Variants in DAB1 observed in about 807,000 individuals in gnomAD.
The protein encoded by DAB1 is disabled homolog 1.
DAB1 carries 15 observed loss-of-function variants against 64.6 expected under a neutral mutation model. The observed-to-expected ratio is 0.23, with a 90% CI of 0.16 to 0.36. The LOEUF (loss-of-function observed/expected upper bound fraction) is 0.36. Ranked by LOEUF, DAB1 falls within the 10% of genes least tolerant of loss-of-function variation. DAB1 has a pLI of 1.00. For missense variants in DAB1, 596 were observed against 706.7 expected (o/e 0.84, Z 1.78); for synonymous variants, 235 against 251.9 (o/e 0.93, Z 0.64).
chr1:58,439,046 A>G (rs1644977642), intron 3 of DAB1, among the ~76,000 whole-genome samples: 11 of 151,930 alleles, frequency 7.2e-5, no homozygotes, highest in Admixed American at 7.2e-4. Flanking sequence ...TCTGTATAGG[A>G]TTCAGGTCTA....
intron 7 of DAB1, among the ~76,000 whole-genome samples, chr1:57,633,636 A>G (rs893725446): frequency 3.9e-5 from 6 of 152,198 alleles, no homozygotes; most frequent in Admixed American, 6.5e-5. Context: ...GCTCAGCCCA[A>G]CAATCTCTAC....
intron 2 of DAB1, among the ~76,000 whole-genome samples, chr1:57,214,926 A>AAAAAAAAG (rs1557954175): frequency 6.6e-6 from 1 of 150,558 alleles, no homozygotes; most frequent in African/African-American, 2.4e-5. Context: ...AAAAAAAAAA[A>AAAAAAAAG]AAAAGAAAGA....
chr1:57,908,343 G>A (rs1203771612), intron 5 of DAB1, among the ~76,000 whole-genome samples: 5 of 152,104 alleles, frequency 3.3e-5, no homozygotes, highest in Non-Finnish European at 1.5e-5. Flanking sequence ...TAACCTGACA[G>A]GACTCCACTG....
intron 7 of DAB1, among the ~76,000 whole-genome samples, chr1:57,499,707 A>T (rs1359368185): frequency 6.6e-6 from 1 of 152,236 alleles, no homozygotes; most frequent in Non-Finnish European, 1.5e-5. Context: ...CTTAAGGGCA[A>T]TGTATTGAAT....
chr1:57,915,127 C>A (rs1205324896), intron 5 of DAB1, among the ~76,000 whole-genome samples: 417 of 64,444 alleles, frequency 6.5e-3, no homozygotes, highest in Admixed American at 0.032. Flanking sequence ...TTCTTTAAAT[C>A]ATAAAAAAAA....
chr1:57,113,786 A>G (rs1246111171), intron 4 of DAB1, among the ~76,000 whole-genome samples: 1 of 152,190 alleles, frequency 6.6e-6, no homozygotes, highest in African/African-American at 2.4e-5. Flanking sequence ...TTACAGCCTG[A>G]TTTTAAAGAC....
intron 11 of DAB1, among the ~76,000 whole-genome samples, chr1:57,015,757 T>C (rs1323198416): frequency 1.3e-5 from 2 of 152,226 alleles, no homozygotes; most frequent in African/African-American, 2.4e-5. Context: ...GGCAGAAGGA[T>C]GGAAGGCAGG....
intron 3 of DAB1, among the ~76,000 whole-genome samples, chr1:58,470,021 A>G (rs1396943164): frequency 6.6e-6 from 1 of 152,022 alleles, no homozygotes; most frequent in Admixed American, 6.5e-5. Context: ...TACTCTTCAC[A>G]GCAGCCCCAG....
chr1:57,160,211 T>C (rs1660617020), intron 2 of DAB1, among the ~76,000 whole-genome samples: 1 of 152,254 alleles, frequency 6.6e-6, no homozygotes, highest in South Asian at 2.1e-4. Flanking sequence ...GTTTATTTCA[T>C]GTTGATACCA....
intron 2 of DAB1, among the ~76,000 whole-genome samples, chr1:57,223,520 T>C (rs1485483579): frequency 6.6e-6 from 1 of 152,178 alleles, no homozygotes; most frequent in Non-Finnish European, 1.5e-5. Context: ...CTGGTCCCTA[T>C]GCTCAGCAGA....
intron 4 of DAB1, among the ~76,000 whole-genome samples, chr1:57,133,516 C>T (rs1308325083): frequency 6.6e-6 from 1 of 152,126 alleles, no homozygotes; most frequent in African/African-American, 2.4e-5. Context: ...TTAGCAATAT[C>T]TAGGTATCTA....
At chr1:58,365,399 A>C (rs1644207337) in intron 3 of DAB1, among the ~76,000 whole-genome samples, 1 of 152,186 alleles carries the variant, frequency 6.6e-6, no homozygotes, top group Non-Finnish European at 1.5e-5. Flanking sequence ...TGGAGCTGTC[A>C]GTTTTAGGCT....
intron 1 of DAB1, among the ~76,000 whole-genome samples, chr1:57,402,824 GC>G (rs1683355347): frequency 6.6e-6 from 1 of 152,136 alleles, no homozygotes; most frequent in Admixed American, 6.5e-5. Context: ...ATTGAAAGAT[GC>G]ATCCCAGGAC....
chr1:57,282,182 C>CAAAAAAAAA (rs61512431), intron 2 of DAB1, among the ~76,000 whole-genome samples: 3 of 92,786 alleles, frequency 3.2e-5, no homozygotes, highest in Admixed American at 1.0e-4. Flanking sequence ...GCCTTCTTCT[C>CAAAAAAAAA]AAAAAAAAAA....
intron 6 of DAB1, among the ~76,000 whole-genome samples, chr1:57,768,692 A>G (rs1190574120): frequency 6.6e-6 from 1 of 151,698 alleles, no homozygotes; most frequent in Non-Finnish European, 1.5e-5. Context: ...GTATTTTTTA[A>G]AGTTGCATAT....
chr1:58,533,239 C>A (rs76281957), intron 1 of DAB1, among the ~76,000 whole-genome samples: 2,811 of 152,176 alleles, frequency 0.018, 57 homozygotes, highest in East Asian at 0.12. Context: ...ATAAGAAAAG[C>A]GCTGCTAAAA....
chr1:57,990,788 G>C (rs556036116), intron 5 of DAB1, among the ~76,000 whole-genome samples: 1 of 152,196 alleles, frequency 6.6e-6, no homozygotes, highest in Non-Finnish European at 1.5e-5. Context: ...CAGACTCTCT[G>C]TACTCCAGCA....
intron 11 of DAB1, among the ~76,000 whole-genome samples, 185 bp downstream of exon 11, chr1:57,023,346 G>C (rs986846186): frequency 1.3e-5 from 2 of 152,228 alleles, no homozygotes; most frequent in Non-Finnish European, 2.9e-5. Context: ...TTCCAGGCCA[G>C]TAACATCCCA....
chr1:58,070,402 G>A (rs953378235), intron 5 of DAB1, among the ~76,000 whole-genome samples: 2 of 152,216 alleles, frequency 1.3e-5, no homozygotes, highest in Non-Finnish European at 2.9e-5. Context: ...ACAACCCCAT[G>A]AGAGAGGGAT....
Sources: allele counts gnomAD v4.1 joint callset (sites outside exome capture counted in the v4.1 genomes callset), GRCh38; gene constraint gnomAD v4.1.1; transcripts MANE v1.5; gene names NCBI Gene and HGNC (gene_info 2026-07-23, HGNC 2026-07-21).